KLHL2: variants seen among roughly 807,000 people sequenced by gnomAD.
KLHL2 encodes the protein kelch like family member 2, also known as kelch-like protein 2.
A neutral mutation model predicts 75.8 loss-of-function variants in KLHL2; 15 were observed. The observed-to-expected ratio is 0.20, with a 90% CI of 0.13 to 0.30. The LOEUF (loss-of-function observed/expected upper bound fraction) is 0.30. Ranked by LOEUF, KLHL2 falls within the 10% of genes least tolerant of loss-of-function variation. The pLI, the probability that KLHL2 is intolerant of heterozygous loss-of-function variation, is 1.00. For synonymous variants in KLHL2, 214 were observed against 251.9 expected, an observed-to-expected ratio of 0.85 and a Z score of 1.42; for missense variants, 381 against 741.0, an observed-to-expected ratio of 0.51 and a Z score of 5.64.
intron 1 of KLHL2, among the ~76,000 whole-genome samples, chr4:165,219,435 T>G (rs532690031): frequency 6.6e-6 from 1 of 152,398 alleles, no homozygotes; most frequent in African/African-American, 2.4e-5. Context: ...CTAACATGAT[T>G]AATCTCGATT....
intron 2 of KLHL2, among the ~76,000 whole-genome samples, chr4:165,221,138 T>C (rs1737956352): frequency 6.6e-6 from 1 of 152,242 alleles, no homozygotes; most frequent in Non-Finnish European, 1.5e-5. Context: ...AATATTTATC[T>C]GCTAGGTACT....
chr4:165,222,112 G>A (rs1738044553), intron 2 of KLHL2, among the ~76,000 whole-genome samples: 1 of 152,044 alleles, frequency 6.6e-6, no homozygotes, highest in Non-Finnish European at 1.5e-5. Context: ...ACCTGGGCAT[G>A]ACTCACTAAA....
intron 13 of KLHL2, 61 bp downstream of exon 13, chr4:165,314,227 T>C: frequency 1.4e-6 from 2 of 1,410,886 alleles, no homozygotes; most frequent in South Asian, 2.5e-5. Flanking sequence ...TTCACTGGTA[T>C]CACTCTATCA....
intron 5 of KLHL2, among the ~76,000 whole-genome samples, chr4:165,263,563 A>G (rs892045381): frequency 6.6e-6 from 1 of 151,680 alleles, no homozygotes; most frequent in Non-Finnish European, 1.5e-5. Context: ...ATACATTGGG[A>G]TTGGGCCTGA....
At chr4:165,274,408 G>A (rs1742919649) in intron 5 of KLHL2, among the ~76,000 whole-genome samples, 1 of 152,112 alleles carries the variant, frequency 6.6e-6, no homozygotes, top group African/African-American at 2.4e-5. Flanking sequence ...ATGAGATCGA[G>A]ACCATCCTGG....
At chr4:165,245,618 G>A (rs1416772383) in intron 4 of KLHL2, among the ~76,000 whole-genome samples, 1 of 152,152 alleles carries the variant, frequency 6.6e-6, no homozygotes, top group Non-Finnish European at 1.5e-5. Flanking sequence ...TACTTGGGGG[G>A]CACATCACAT....
At chr4:165,264,704 G>GTGTGTATATATATATATATACATATA (rs1323043527) in intron 5 of KLHL2, among the ~76,000 whole-genome samples, 2 of 82,872 alleles carry the variant, frequency 2.4e-5, no homozygotes, top group South Asian at 4.5e-4. Context: ...GTGTGTGTGT[G>GTGTGTATATATATATATATACATATA]TATATATATA....
chr4:165,207,990 C>T lies in KLHL2; in HGVS notation c.26+88C>T. ...CCGGCCGCGGGCGCAGCTCTGGGGA[C>T]AGCCGCCGGGGCCGGCGGGAGGTGG... On this transcript the variant is annotated intron_variant, in intron 1 of 14. Transcript: ENST00000226725. The surrounding 1 kb of genome is among the most constrained non-coding windows in gnomAD (Gnocchi z 4.2). 3.0e-6 allele frequency: 3 copies of T among 989,368 alleles called. No homozygotes were observed. Among genetic ancestry groups the T allele is most frequent in the Middle Eastern group, 7.7e-4 (2 of 2,600 alleles). The allele number at this position is 989,368 out of a possible 1,614,324, so 61.3% of individuals were successfully genotyped here.
intron 3 of KLHL2, 147 bp from the exon 4 acceptor site, chr4:165,238,631 G>A: frequency 6.8e-7 from 1 of 1,467,348 alleles, no homozygotes; most frequent in Non-Finnish European, 9.1e-7. Flanking sequence ...AGAGGAAGGG[G>A]GGAGTATTTT....
chr4:165,245,859 C>G (rs182352276), intron 4 of KLHL2, among the ~76,000 whole-genome samples: 87 of 152,162 alleles, frequency 5.7e-4, no homozygotes, highest in African/African-American at 1.8e-3. Flanking sequence ...TTGAGCTTAC[C>G]TCTTTTTTTC....
rs547763434 is a variant in KLHL2 at position 165,284,306 on chromosome 4, G to A, written c.545-10053G>A. Among the ~76,000 whole-genome samples, 745 of 151,994 alleles carry A rather than the reference G, an allele frequency of 4.9e-3. 4 individuals carry two copies. The highest frequency in any genetic ancestry group is 0.021 in the South Asian group (101 of 4,810). On this transcript the variant is annotated intron_variant, in intron 5 of 14. Transcript: ENST00000226725. ...AACTTTTATGCTCTGTTTCCCTTTC[G>A]AAACTGAATGCCTTTAACAGTACCC...
chr4:165,297,333 C>T (rs1262875604), intron 6 of KLHL2, among the ~76,000 whole-genome samples: 1 of 151,772 alleles, frequency 6.6e-6, no homozygotes, highest in African/African-American at 2.4e-5. Flanking sequence ...GAAGAAAAAG[C>T]CAAACATGAA....
At chr4:165,275,705 G>T (rs1253916061) in intron 5 of KLHL2, among the ~76,000 whole-genome samples, 3 of 152,182 alleles carry the variant, frequency 2.0e-5, no homozygotes, top group East Asian at 3.9e-4. Context: ...GCTTCCCAGA[G>T]TCGGGATTAC....
intron 4 of KLHL2, among the ~76,000 whole-genome samples, chr4:165,251,930 T>G (rs1579045300): frequency 6.6e-6 from 1 of 152,238 alleles, no homozygotes; most frequent in East Asian, 1.9e-4. Flanking sequence ...TTTAAAAAAT[T>G]TATTGTTCGG....
chr4:165,311,586 C>G (rs1214490360), intron 11 of KLHL2, 21 bp downstream of exon 11: 1 of 1,548,792 alleles, frequency 6.5e-7, no homozygotes, highest in Non-Finnish European at 8.9e-7. Context: ...ACAGTTCTTT[C>G]AGGTACATGT....
chr4:165,310,299 TG>T, intron 9 of KLHL2, among the ~76,000 whole-genome samples: 1 of 152,298 alleles, frequency 6.6e-6, no homozygotes, highest in Non-Finnish European at 1.5e-5. Context: ...CACTCCAGCC[TG>T]GGCGACAGAG....
At chr4:165,254,232 A>T (rs1560773399) in intron 4 of KLHL2, among the ~76,000 whole-genome samples, 2 of 152,304 alleles carry the variant, frequency 1.3e-5, no homozygotes, top group East Asian at 3.9e-4. Flanking sequence ...TTATAATAGG[A>T]TTGTTTGTTA....
At chr4:165,274,770 AAC>A (rs1451174199) in intron 5 of KLHL2, among the ~76,000 whole-genome samples, 1 of 151,304 alleles carries the variant, frequency 6.6e-6, no homozygotes, top group Non-Finnish European at 1.5e-5. Flanking sequence ...TGAAAAAATT[AAC>A]AGTGTTCCAT....
chr4:165,249,573 TC>T (rs1196280542), intron 4 of KLHL2, among the ~76,000 whole-genome samples: 1 of 152,214 alleles, frequency 6.6e-6, no homozygotes, highest in Non-Finnish European at 1.5e-5. Flanking sequence ...ATCCAATGTC[TC>T]CTTACCTTTC....
Sources: allele counts gnomAD v4.1 joint callset (sites outside exome capture counted in the v4.1 genomes callset), GRCh38; gene constraint gnomAD v4.1.1; non-coding constraint Gnocchi (gnomAD v3.1); transcripts MANE v1.5; gene names NCBI Gene and HGNC (gene_info 2026-07-23, HGNC 2026-07-21).